SPATA6: variants seen among roughly 807,000 people sequenced by gnomAD.
SPATA6 encodes the protein spermatogenesis associated 6.
SPATA6 carries 56 observed loss-of-function variants against 65.3 expected under a neutral mutation model. That is an observed-to-expected ratio of 0.86 (90% CI 0.69 to 1.07). The LOEUF is 1.07. Among genes scored for constraint, SPATA6 ranks in the 50% least tolerant of loss-of-function variants. The probability of loss-of-function intolerance (pLI) is 0.00; values close to 1 mark genes in which losing one functional copy is unlikely to be tolerated. For missense variants in SPATA6, 590 were observed against 594.8 expected (o/e 0.99, Z 0.08); for synonymous variants, 199 against 213.2 (o/e 0.93, Z 0.58).
At chr1:48,326,977 T>A (rs1338221327) in intron 11 of SPATA6, among the ~76,000 whole-genome samples, 1 of 151,708 alleles carries the variant, frequency 6.6e-6, no homozygotes, top group Admixed American at 6.6e-5. Flanking sequence ...CAAAAGCAAA[T>A]GCAACAAAAA....
chr1:48,397,925 G>C (rs76390794), intron 7 of SPATA6, among the ~76,000 whole-genome samples: 1,858 of 151,520 alleles, frequency 0.012, 45 homozygotes, highest in African/African-American at 0.043. Flanking sequence ...AAGAAAAGCA[G>C]TTATTTTTCC....
chr1:48,301,403 G>C (rs1212253228), intron 12 of SPATA6, among the ~76,000 whole-genome samples: 1 of 151,872 alleles, frequency 6.6e-6, no homozygotes, highest in Non-Finnish European at 1.5e-5. Flanking sequence ...TTCATGGATT[G>C]AAAGAATCAA....
intron 8 of SPATA6, among the ~76,000 whole-genome samples, chr1:48,388,217 A>C (rs928792206): frequency 6.6e-6 from 1 of 151,988 alleles, no homozygotes; most frequent in African/African-American, 2.4e-5. Context: ...CAAGTCTCAG[A>C]TACCACGGAT....
intron 11 of SPATA6, among the ~76,000 whole-genome samples, chr1:48,339,315 A>T (rs987720573): frequency 6.6e-6 from 1 of 152,098 alleles, no homozygotes; most frequent in Non-Finnish European, 1.5e-5. Context: ...CAAGGTTATT[A>T]GCCTTTGACG....
In SPATA6 at chr1:48,413,120, T is replaced by C; in HGVS notation, c.270A>G (p.Leu90=). 7.2e-7 allele frequency: 1 copy of C among 1,381,236 alleles called. No homozygotes were observed. The highest frequency in any genetic ancestry group is 9.4e-7 in the Non-Finnish European group (1 of 1,059,704). The allele number at this position is 1,381,236 out of a possible 1,614,324, so 85.6% of individuals were successfully genotyped here. ...ATCAATATATATTACCTGGTGGAACTAGCTGTATCAACTCGAACACTGCTG... is the reference window on the plus strand; with the variant it reads ...ATCAATATATATTACCTGGTGGAACCAGCTGTATCAACTCGAACACTGCTG... ...YDTAVFELIQ[L]VPPVGETLST... The change falls in exon 4 of 13, where the codon CTA becomes CTG. Residue 90 remains leucine (L), a synonymous_variant. Transcript: ENST00000371847.
intron 11 of SPATA6, chr1:48,325,491 G>A (rs1465627843): frequency 1.6e-6 from 2 of 1,219,662 alleles, no homozygotes; most frequent in Non-Finnish European, 2.4e-6. Flanking sequence ...CACATTCTCT[G>A]AGTTGATGAT....
intron 1 of SPATA6, among the ~76,000 whole-genome samples, chr1:48,468,960 G>A (rs976838625): frequency 6.6e-6 from 1 of 151,940 alleles, no homozygotes; most frequent in African/African-American, 2.4e-5. Flanking sequence ...TTTTATTTAC[G>A]TATGTATTTA....
intron 10 of SPATA6, among the ~76,000 whole-genome samples, chr1:48,357,594 A>G (rs558600974): frequency 1.3e-5 from 2 of 152,272 alleles, no homozygotes; most frequent in Non-Finnish European, 2.9e-5. Context: ...CCTGGAACAT[A>G]TAATCCACAT....
chr1:48,440,500 G>C (rs1450463220), intron 3 of SPATA6, among the ~76,000 whole-genome samples: 1 of 152,158 alleles, frequency 6.6e-6, no homozygotes, highest in Non-Finnish European at 1.5e-5. Context: ...TTCCCTACCA[G>C]TCAGCAACCC....
intron 3 of SPATA6, among the ~76,000 whole-genome samples, chr1:48,449,911 G>A (rs1656405130): frequency 1.3e-5 from 2 of 152,204 alleles, no homozygotes; most frequent in Admixed American, 1.3e-4. Context: ...AGGTGGCAGA[G>A]TGAACATGTA....
chr1:48,274,825 T>A, the SPATA6 span, among the ~76,000 whole-genome samples: 3 of 152,206 alleles, frequency 2.0e-5, no homozygotes, highest in Non-Finnish European at 4.4e-5. Context: ...CTATGCAGGC[T>A]CTTTATGGTT....
downstream of SPATA6, among the ~76,000 whole-genome samples, chr1:48,293,352 T>C (rs2148624698): frequency 6.6e-6 from 1 of 152,266 alleles, no homozygotes; most frequent in Non-Finnish European, 1.5e-5. Context: ...GTGTGGTTAT[T>C]CTTGTTTTTG....
intron 8 of SPATA6, among the ~76,000 whole-genome samples, chr1:48,393,828 G>A (rs1650306656): frequency 6.6e-6 from 1 of 152,188 alleles, no homozygotes; most frequent in Middle Eastern, 3.4e-3. Flanking sequence ...AGCGAGAGAA[G>A]GAGAGCCCAA....
intron 3 of SPATA6, among the ~76,000 whole-genome samples, chr1:48,424,247 G>C (rs904543007): frequency 6.6e-6 from 1 of 152,174 alleles, no homozygotes; most frequent in African/African-American, 2.4e-5. Flanking sequence ...GAGAACATGT[G>C]ATGTTTGTCT....
intron 11 of SPATA6, among the ~76,000 whole-genome samples, chr1:48,322,745 C>T (rs988512477): frequency 1.3e-5 from 2 of 152,060 alleles, no homozygotes; most frequent in African/African-American, 4.8e-5. Context: ...ACAACCCCAT[C>T]AAAAAATGGG....
chr1:48,294,022 TTCTC>T (rs538682095), downstream of SPATA6, among the ~76,000 whole-genome samples: 3 of 152,368 alleles, frequency 2.0e-5, no homozygotes, highest in Admixed American at 6.5e-5. Flanking sequence ...ATGTTGGATT[TTCTC>T]TCTTACTTAC....
intron 11 of SPATA6, among the ~76,000 whole-genome samples, chr1:48,316,101 T>C (rs1645408552): frequency 6.6e-6 from 1 of 152,106 alleles, no homozygotes; most frequent in African/African-American, 2.4e-5. Context: ...AAAATGGCCA[T>C]ACTGCCCAAG....
At chr1:48,423,518 G>A (rs1653544964) in intron 3 of SPATA6, among the ~76,000 whole-genome samples, 2 of 149,702 alleles carry the variant, frequency 1.3e-5, no homozygotes, top group Non-Finnish European at 1.5e-5. Context: ...GACTGGTAGG[G>A]GCAAAACAGA....
intron 11 of SPATA6, among the ~76,000 whole-genome samples, chr1:48,330,769 G>T (rs1046104892): frequency 7.9e-5 from 12 of 152,230 alleles, no homozygotes; most frequent in African/African-American, 2.9e-4. Context: ...CCCAGTAAGA[G>T]TTTCCAACCC....
Sources: gnomAD v4.1 joint callset for allele counts (sites outside exome capture counted in the v4.1 genomes callset) on GRCh38, gnomAD v4.1.1 for gene constraint, MANE v1.5 for transcripts, NCBI Gene and HGNC (gene_info 2026-07-23, HGNC 2026-07-21) for gene names.